Variants in MACROD2 observed in about 807,000 individuals in gnomAD.
The protein encoded by MACROD2 is mono-ADP ribosylhydrolase 2, also known as ADP-ribose glycohydrolase MACROD2.
In MACROD2, 36 loss-of-function variants were observed where a neutral mutation model predicts 70.4. That is an observed-to-expected ratio of 0.51 (90% confidence interval 0.39 to 0.68). MACROD2 has a LOEUF of 0.68. Ranked by LOEUF, MACROD2 falls within the 30% of genes least tolerant of loss-of-function variation. The pLI is 0.00. For missense variants in MACROD2, 496 were observed against 538.4 expected, an observed-to-expected ratio of 0.92 and a Z score of 0.78; for synonymous variants, 172 against 178.8, an observed-to-expected ratio of 0.96 and a Z score of 0.30.
chr20:15,218,695 T>C (rs2076831906), intron 5 of MACROD2, among the ~76,000 whole-genome samples: 1 of 152,150 alleles, frequency 6.6e-6, no homozygotes, highest in Non-Finnish European at 1.5e-5. Context: ...TGAGTGGAAA[T>C]ACCCCGATTA....
intron 6 of MACROD2, among the ~76,000 whole-genome samples, chr20:15,296,346 T>C (rs2077588547): frequency 6.6e-6 from 1 of 152,150 alleles, no homozygotes; most frequent in African/African-American, 2.4e-5. Flanking sequence ...AAAATATGAC[T>C]TAAAAGACAT....
intron 13 of MACROD2, among the ~76,000 whole-genome samples, chr20:15,978,247 C>T (rs762176264): frequency 6.6e-6 from 1 of 152,138 alleles, no homozygotes; most frequent in Non-Finnish European, 1.5e-5. Flanking sequence ...ACCCCCCTCC[C>T]CAAAAACAAT....
intron 8 of MACROD2, among the ~76,000 whole-genome samples, chr20:15,855,989 C>G (rs1169660613): frequency 6.6e-6 from 1 of 152,044 alleles, no homozygotes; most frequent in Non-Finnish European, 1.5e-5. Context: ...TATGAACATT[C>G]TAGTGTGTGT....
At position 14,611,451 on chromosome 20, in the gene MACROD2, G is replaced by A. The variant is rs8114422; in HGVS notation, c.302-73392G>A. Among the ~76,000 whole-genome samples the A allele has an allele frequency of 2.7e-3, 353 of 132,954 alleles. 3 individuals are homozygous for A. The highest frequency in any genetic ancestry group is 0.011 in the African/African-American group (333 of 30,840). The allele number at this position is 132,954 out of a possible 152,430, so 87.2% of individuals were successfully genotyped here. ...TGTTCAGAGATCAGCAATGCCCTGAGGTTTTTTTTTTTTTTTTTTTTGGCG... is the reference window on the plus strand; with the variant it reads ...TGTTCAGAGATCAGCAATGCCCTGAAGTTTTTTTTTTTTTTTTTTTTGGCG... On this transcript the variant is annotated intron_variant, in intron 4 of 17. Transcript: ENST00000684519.
At chr20:15,379,407 C>T (rs2045610155) in intron 6 of MACROD2, among the ~76,000 whole-genome samples, 1 of 152,024 alleles carries the variant, frequency 6.6e-6, no homozygotes, top group African/African-American at 2.4e-5. Flanking sequence ...CTCAACTTGT[C>T]ATTTCCACTT....
At chr20:15,662,941 C>T (rs1168020726) in intron 8 of MACROD2, among the ~76,000 whole-genome samples, 4 of 151,858 alleles carry the variant, frequency 2.6e-5, no homozygotes, top group African/African-American at 9.7e-5. Flanking sequence ...CAAGTGACTT[C>T]TGTCGCTTAA....
chr20:14,777,070 G>A (rs540355864), intron 5 of MACROD2, among the ~76,000 whole-genome samples: 10 of 151,940 alleles, frequency 6.6e-5, no homozygotes, highest in South Asian at 2.1e-4. Flanking sequence ...TCCTATTGAC[G>A]GGCATTTGAT....
intron 12 of MACROD2, among the ~76,000 whole-genome samples, chr20:15,945,588 G>C (rs1024252618): frequency 6.6e-6 from 1 of 152,178 alleles, no homozygotes; most frequent in Admixed American, 6.5e-5. Flanking sequence ...TTGCCAAATT[G>C]CTTTCCCAAT....
rs1048171296 is a variant in MACROD2 at position 15,040,763 on chromosome 20, C to G, written c.419-189177C>G. On this transcript the variant is annotated intron_variant, in intron 5 of 17. Coordinates refer to ENST00000684519, the MANE Select transcript of MACROD2 (RefSeq NM_001351661.2). ...TGCTATTAAGCATCTTAGCTATGCT[C>G]AATGTTTTGGGGCTGAATTGTTCAT... Among the ~76,000 whole-genome samples, 3 of 152,140 alleles carry G rather than the reference C, an allele frequency of 2.0e-5. No homozygotes were observed. The South Asian group carries it at 6.2e-4, about 32-fold the overall frequency.
intron 5 of MACROD2, among the ~76,000 whole-genome samples, chr20:15,174,323 TAATC>T (rs1364049028): frequency 2.0e-5 from 3 of 152,222 alleles, no homozygotes; most frequent in African/African-American, 7.2e-5. Flanking sequence ...ATTAAGATAA[TAATC>T]CAGCACATAT....
intron 3 of MACROD2, among the ~76,000 whole-genome samples, chr20:14,266,870 A>G (rs928167417): frequency 6.6e-6 from 1 of 152,134 alleles, no homozygotes; most frequent in African/African-American, 2.4e-5. Flanking sequence ...GGATTGTTTT[A>G]TTGCCTGTTG....
intron 7 of MACROD2, among the ~76,000 whole-genome samples, chr20:15,467,153 G>C (rs1222302188): frequency 6.6e-6 from 1 of 152,192 alleles, no homozygotes; most frequent in East Asian, 1.9e-4. Context: ...AGAATGCCAA[G>C]GAATTGACAT....
At chr20:14,202,613 C>T (rs140847797) in intron 3 of MACROD2, among the ~76,000 whole-genome samples, 2,061 of 152,234 alleles carry the variant, frequency 0.014, 20 homozygotes, top group South Asian at 0.037. Flanking sequence ...GGCAGAACCT[C>T]TAAATCAGAA....
intron 8 of MACROD2, among the ~76,000 whole-genome samples, chr20:15,507,434 T>G (rs1209203052): frequency 6.6e-6 from 1 of 151,298 alleles, no homozygotes; most frequent in Non-Finnish European, 1.5e-5. Flanking sequence ...CTTCCTTTCT[T>G]CCTTCCTTTC....
intron 5 of MACROD2, among the ~76,000 whole-genome samples, chr20:14,751,076 C>T (rs1477921792): frequency 6.6e-6 from 1 of 152,072 alleles, no homozygotes; most frequent in Non-Finnish European, 1.5e-5. Flanking sequence ...TTCAACCAAA[C>T]TTTAACTGAA....
At chr20:15,492,099 G>A (rs1204668208) in intron 7 of MACROD2, among the ~76,000 whole-genome samples, 1 of 152,186 alleles carries the variant, frequency 6.6e-6, no homozygotes, top group African/African-American at 2.4e-5. Flanking sequence ...TAGGGGCAGT[G>A]TCACTCTTAT....
Position 15,588,937 on chromosome 20 carries a change from A to T in MACROD2, c.645+89090A>T, listed in dbSNP as rs193143806. 2.6e-3 allele frequency among the ~76,000 whole-genome samples: 396 copies of T among 152,240 alleles called. 3 individuals carry two copies. Among genetic ancestry groups the T allele is most frequent in the African/African-American group, 9.1e-3 (377 of 41,542 alleles). On this transcript the variant is annotated intron_variant, in intron 8 of 17. Coordinates refer to ENST00000684519, the MANE Select transcript of MACROD2 (RefSeq NM_001351661.2). ...GTTCCAAAGTCGCTTCCACATTTTC[A>T]GTTATCTTTTCAGCAATGCCCCACT...
chr20:15,475,702 G>T (rs2047013423), intron 7 of MACROD2, among the ~76,000 whole-genome samples: 1 of 152,214 alleles, frequency 6.6e-6, no homozygotes, highest in South Asian at 2.1e-4. Context: ...GTCAGCATGT[G>T]CTGTGACTTG....
intron 13 of MACROD2, among the ~76,000 whole-genome samples, chr20:15,973,502 G>A (rs1208594158): frequency 1.3e-5 from 2 of 151,992 alleles, no homozygotes; most frequent in Non-Finnish European, 2.9e-5. Flanking sequence ...ATTAAAAGAA[G>A]ATACCTTACT....
Sources: gnomAD v4.1 joint callset for allele counts (sites outside exome capture counted in the v4.1 genomes callset) on GRCh38, gnomAD v4.1.1 for gene constraint, MANE v1.5 for transcripts, NCBI Gene and HGNC (gene_info 2026-07-23, HGNC 2026-07-21) for gene names.